Variants in ARHGAP8 observed in about 807,000 individuals in gnomAD.
ARHGAP8 encodes the protein Rho GTPase activating protein 8, also known as rho GTPase-activating protein 8.
In ARHGAP8, 62 loss-of-function variants were observed where a neutral mutation model predicts 46.1. That is an observed-to-expected ratio of 1.34 (90% CI 1.10 to 1.66). The LOEUF (loss-of-function observed/expected upper bound fraction) is 1.66. Ranked by LOEUF, ARHGAP8 falls within the 40% of genes most tolerant of loss-of-function variation. ARHGAP8 has a pLI of 0.00. For synonymous variants in ARHGAP8, 375 were observed against 243.1 expected (o/e 1.54, Z -5.05); for missense variants, 923 against 568.4 (o/e 1.62, Z -6.34).
intron 10 of ARHGAP8, chr22:44,850,617 G>C (rs1215218946): frequency 6.6e-6 from 1 of 152,094 alleles, no homozygotes; most frequent in Non-Finnish European, 1.5e-5. Context: ...CCAAAACCTG[G>C]TGACAGGGAG....
intron 1 of ARHGAP8, among the ~76,000 whole-genome samples, chr22:44,768,674 C>T (rs1925777214): frequency 6.6e-6 from 1 of 152,032 alleles, no homozygotes; most frequent in Non-Finnish European, 1.5e-5. Context: ...GCACCGAAGG[C>T]TTAATTAGAT....
chr22:44,754,667 G>A (rs1427791258), intron 1 of ARHGAP8, among the ~76,000 whole-genome samples: 1 of 152,064 alleles, frequency 6.6e-6, no homozygotes, highest in African/African-American at 2.4e-5. Context: ...ACCCGGCCGA[G>A]TCATTGAAAC....
intron 2 of ARHGAP8, among the ~76,000 whole-genome samples, chr22:44,799,923 G>A (rs1462523963): frequency 6.6e-6 from 1 of 151,948 alleles, no homozygotes; most frequent in Non-Finnish European, 1.5e-5. Flanking sequence ...GCCCTGGGCA[G>A]AGAGAGGAGG....
rs1458092614 is a variant in ARHGAP8 at position 44,789,911 on chromosome 22, G to A, written c.79+3305G>A. Among the ~76,000 whole-genome samples the A allele has an allele frequency of 2.0e-5, 3 of 152,192 alleles. No individual in the cohort carries two copies. The East Asian group carries it at 5.8e-4, about 29-fold the overall frequency. On this transcript the variant is annotated intron_variant, in intron 2 of 11. Coordinates refer to ENST00000356099, the MANE Select transcript of ARHGAP8 (RefSeq NM_181335.3). ...TTCTCATCACTGGTGTTGGTAAGGT[G>A]TGCCTCTTCCATCCTTTTTCCTTTC...
intron 1 of ARHGAP8, among the ~76,000 whole-genome samples, chr22:44,771,883 A>G (rs1926037193): frequency 6.6e-6 from 1 of 152,082 alleles, no homozygotes; most frequent in Admixed American, 6.5e-5. Context: ...GCTCTTTCCA[A>G]TCTTTATGCC....
At chr22:44,805,763 C>T (rs918437475) in intron 3 of ARHGAP8, among the ~76,000 whole-genome samples, 1 of 152,208 alleles carries the variant, frequency 6.6e-6, no homozygotes, top group South Asian at 2.1e-4. Flanking sequence ...TACTTCTCCG[C>T]AGCCTTTATG....
chr22:44,778,003 TTTA>T (rs1569139686), intron 1 of ARHGAP8, among the ~76,000 whole-genome samples: 64 of 43,618 alleles, frequency 1.5e-3, no homozygotes, highest in African/African-American at 4.9e-3. Flanking sequence ...GACTATTTTA[TTTA>T]TTTATTTATT....
At chr22:44,764,084 T>C (rs1481090099) in intron 1 of ARHGAP8, among the ~76,000 whole-genome samples, 1 of 152,108 alleles carries the variant, frequency 6.6e-6, no homozygotes, top group Non-Finnish European at 1.5e-5. Flanking sequence ...AGTGCTGGGA[T>C]TACAGGCGTG....
At chr22:44,774,971 C>T (rs2147022348) in intron 1 of ARHGAP8, among the ~76,000 whole-genome samples, 1 of 151,960 alleles carries the variant, frequency 6.6e-6, no homozygotes, top group Non-Finnish European at 1.5e-5. Flanking sequence ...GCTGGGACAA[C>T]AGGCACTCAC....
intron 7 of ARHGAP8, among the ~76,000 whole-genome samples, chr22:44,827,897 C>T (rs1213216077): frequency 1.3e-5 from 2 of 152,120 alleles, no homozygotes; most frequent in African/African-American, 2.4e-5. Context: ...GCCCCAGCGT[C>T]GGTCCCTAGA....
chr22:44,854,166 G>C lies in ARHGAP8; in HGVS notation c.877+5106G>C, dbSNP rs115011928. Among the ~76,000 whole-genome samples the C allele has an allele frequency of 5.8e-3, 870 of 149,852 alleles. 12 individuals are homozygous for C. Among genetic ancestry groups the C allele is most frequent in the East Asian group, 0.04 (202 of 5,106 alleles). On this transcript the variant is annotated intron_variant, in intron 10 of 11. Coordinates refer to ENST00000356099, the MANE Select transcript of ARHGAP8 (RefSeq NM_181335.3). ...CCTGGGCCTGCCAGGAAGCGGCCTT[G>C]CTTACTCACTGTAACGTCATACATA...
At chr22:44,846,258 C>T (rs538745749) in intron 8 of ARHGAP8, among the ~76,000 whole-genome samples, 41 of 152,358 alleles carry the variant, frequency 2.7e-4, no homozygotes, top group African/African-American at 9.1e-4. Flanking sequence ...AAAGCCACCG[C>T]CTCAGCCCTG....
rs890498518 is a variant in ARHGAP8 at position 44,752,579 on chromosome 22, G to A, written c.-120G>A. 6.6e-6 allele frequency: 1 copy of A among 151,754 alleles called. No individual in the cohort carries two copies. Among genetic ancestry groups the A allele is most frequent in the African/African-American group, 2.4e-5 (1 of 41,348 alleles). 9.4% of individuals were successfully genotyped at this position (151,754 alleles called of 1,614,324 possible). A position where few individuals can be genotyped will look rare whatever the true frequency, so the allele number is the denominator to read the frequency against. ...AGCCACGTCCGGGGAGGGGCCAGGT[G>A]AGCGGCAGACCCGGCACGCAGGTGG... On this transcript the variant is annotated 5_prime_UTR_variant, in exon 1 of 12. Coordinates refer to ENST00000356099, the MANE Select transcript of ARHGAP8 (RefSeq NM_181335.3).
chr22:44,847,926 C>G, intron 8 of ARHGAP8, 47 bp from the exon 9 acceptor site: 1 of 1,601,714 alleles, frequency 6.2e-7, no homozygotes, highest in Non-Finnish European at 8.5e-7. Context: ...TCCTGGAAGC[C>G]CTTTGGGCTG....
intron 10 of ARHGAP8, among the ~76,000 whole-genome samples, chr22:44,852,400 C>T (rs2070119628): frequency 6.6e-6 from 1 of 152,114 alleles, no homozygotes; most frequent in Non-Finnish European, 1.5e-5. Context: ...GTTTTATGAT[C>T]TGCTACACAG....
At chr22:44,763,491 CAAAAAA>C (rs370437700) in intron 1 of ARHGAP8, among the ~76,000 whole-genome samples, 1 of 78,506 alleles carries the variant, frequency 1.3e-5, no homozygotes, top group Non-Finnish European at 2.4e-5. Context: ...GACTCTGTCT[CAAAAAA>C]AAAAAAAAAA....
At chr22:44,803,050 T>C (rs1162396041) in intron 3 of ARHGAP8, among the ~76,000 whole-genome samples, 1 of 152,162 alleles carries the variant, frequency 6.6e-6, no homozygotes, top group Admixed American at 6.5e-5. Context: ...GAGCGCCTAC[T>C]GTATGTGAGA....
chr22:44,786,851 C>A (rs1003597428), intron 2 of ARHGAP8, among the ~76,000 whole-genome samples: 1 of 151,332 alleles, frequency 6.6e-6, no homozygotes, highest in Non-Finnish European at 1.5e-5. Flanking sequence ...CCCATCTCTA[C>A]AAAAAAAATA....
chr22:44,859,872 T>G (rs756111360), intron 11 of ARHGAP8, 38 bp downstream of exon 11: 2 of 1,604,580 alleles, frequency 1.2e-6, no homozygotes, highest in South Asian at 2.2e-5. Context: ...TGAAGCCCAG[T>G]GGCCTTCCCT....
Sources: allele counts gnomAD v4.1 joint callset (sites outside exome capture counted in the v4.1 genomes callset), GRCh38; gene constraint gnomAD v4.1.1; transcripts MANE v1.5; gene names NCBI Gene and HGNC (gene_info 2026-07-23, HGNC 2026-07-21).